ZNF627: variants seen among roughly 807,000 people sequenced by gnomAD.
ZNF627 encodes zinc finger protein 627.
In ZNF627, 12 loss-of-function variants were observed where a neutral mutation model predicts 10.6. The observed-to-expected ratio is 1.13, with a 90% CI of 0.73 to 1.84. The LOEUF is 1.84. Among genes scored for constraint, ZNF627 ranks in the 40% most tolerant of loss-of-function variants. ZNF627 has a pLI of 0.00. For missense variants in ZNF627, 504 were observed against 568.4 expected, an observed-to-expected ratio of 0.89 and a Z score of 1.15; for synonymous variants, 176 against 187.1, an observed-to-expected ratio of 0.94 and a Z score of 0.48.
rs556410068 is a variant in ZNF627, at chr19:11,599,638, G to A, written c.3+2008G>A. ...GACCTGACTTAGGCCGGGCGCGGTG[G>A]CTCACACCTGTAATCCCAGCACTTT... On this transcript the variant is annotated intron_variant, in intron 1 of 3. Transcript: ENST00000361113. 2.6e-5 allele frequency among the ~76,000 whole-genome samples: 4 copies of A among 152,276 alleles called. No homozygotes were observed. The East Asian group carries it at 5.8e-4, about 22-fold the overall frequency.
chr19:11,600,466 T>C (rs563676354), intron 1 of ZNF627, among the ~76,000 whole-genome samples: 1 of 152,168 alleles, frequency 6.6e-6, no homozygotes, highest in South Asian at 2.1e-4. Flanking sequence ...TTTTTTTCTT[T>C]CCCAAAGCAA....
intron 3 of ZNF627, among the ~76,000 whole-genome samples, chr19:11,616,375 GTTGTGACCTA>G (rs954081673): frequency 1.1e-4 from 17 of 152,170 alleles, no homozygotes; most frequent in African/African-American, 4.1e-4. Flanking sequence ...AATAGGTATG[GTTGTGACCTA>G]TTGCAGACCA....
At position 11,618,353 on chromosome 19, in the gene ZNF627, T is replaced by C. The variant is rs1258394396; in HGVS notation, c.*464T>C. On this transcript the variant is annotated 3_prime_UTR_variant, in exon 4 of 4. Transcript: ENST00000361113. ...TTGACTTTAATTTTCTCGGAGGTGA[T>C]AGGCTTCCACACAGGTCTCCAGAAG... 1 of 155,596 alleles carries C rather than the reference T, an allele frequency of 6.4e-6. No homozygotes were observed. The highest frequency in any genetic ancestry group is 1.9e-4 in the East Asian group (1 of 5,236). The allele number at this position is 155,596 out of a possible 1,614,324, so 9.6% of individuals were successfully genotyped here. A position where few individuals can be genotyped will look rare whatever the true frequency, so the allele number is the denominator to read the frequency against.
intron 1 of ZNF627, among the ~76,000 whole-genome samples, chr19:11,614,085 C>T (rs2145137921): frequency 6.6e-6 from 1 of 152,178 alleles, no homozygotes; most frequent in African/African-American, 2.4e-5. Flanking sequence ...CCGTGCCTGG[C>T]TAATTTTTGT....
At position 11,605,142 on chromosome 19, in the gene ZNF627, G is replaced by C. The variant is rs1177769270; in HGVS notation, c.3+7512G>C. Reference sequence around the variant, plus strand: ...TCTGTCACCCAGGCTGGAGTGCAGTGGTGCGATCATGGCTCACTGCAACCT... The same window carrying C: ...TCTGTCACCCAGGCTGGAGTGCAGTCGTGCGATCATGGCTCACTGCAACCT... On this transcript the variant is annotated intron_variant, in intron 1 of 3. Coordinates refer to ENST00000361113, the MANE Select transcript of ZNF627 (RefSeq NM_145295.4). Among the ~76,000 whole-genome samples, 12 of 142,422 alleles carry C rather than the reference G, an allele frequency of 8.4e-5. No homozygotes were observed. The Admixed American group carries it at 8.8e-4, about 10-fold the overall frequency. The allele number at this position is 142,422 out of a possible 152,430, so 93.4% of individuals were successfully genotyped here. A position where few individuals can be genotyped will look rare whatever the true frequency, so the allele number is the denominator to read the frequency against.
At position 11,597,566 on chromosome 19, in the gene ZNF627, C is replaced by T. The variant is rs1973509251; in HGVS notation, c.-62C>T. ...TGTCTCCGCCGCAGCCTCTGTCGCG[C>T]CGTGACCTGTACAGGTCGCGGGAGT... is the stretch of plus-strand genomic sequence containing the variant. On this transcript the variant is annotated 5_prime_UTR_variant, in exon 1 of 4. Transcript: ENST00000361113. The T allele has an allele frequency of 1.3e-5, 17 of 1,309,970 alleles. No homozygotes were observed. The highest frequency in any genetic ancestry group is 9.6e-5 in the Admixed American group (3 of 31,320). 81.1% of individuals were successfully genotyped at this position (1,309,970 alleles called of 1,614,324 possible).
At chr19:11,604,801 G>T (rs540422397) in intron 1 of ZNF627, among the ~76,000 whole-genome samples, 115 of 152,312 alleles carry the variant, frequency 7.6e-4, no homozygotes, top group African/African-American at 2.7e-3. Flanking sequence ...ATTGAATTCA[G>T]CCTTGAATGC....
In ZNF627 at chr19:11,616,162, C is replaced by T. The variant is rs145913555; in HGVS notation, c.192-533C>T. ...AAGCAATTCTCCTGCCTCAGCCTCC[C>T]GAGTAGCTGGGATTACACGCGTGCT... is the stretch of plus-strand genomic sequence containing the variant. On this transcript the variant is annotated intron_variant, in intron 3 of 3. Coordinates refer to ENST00000361113, the MANE Select transcript of ZNF627 (RefSeq NM_145295.4). Among the ~76,000 whole-genome samples the T allele has an allele frequency of 4.9e-3, 741 of 151,880 alleles. 3 individuals carry two copies. Among genetic ancestry groups the T allele is most frequent in the Middle Eastern group, 0.014 (4 of 294 alleles).
intron 1 of ZNF627, among the ~76,000 whole-genome samples, chr19:11,602,509 C>T (rs1463502273): frequency 2.6e-5 from 4 of 152,182 alleles, no homozygotes; most frequent in Non-Finnish European, 5.9e-5. Context: ...CTTCTGCCGC[C>T]ATTTTCCCTT....
chr19:11,609,909 C>T (rs1333621361), intron 1 of ZNF627, among the ~76,000 whole-genome samples: 1 of 152,162 alleles, frequency 6.6e-6, no homozygotes, highest in South Asian at 2.1e-4. Context: ...ATAGTTAAGG[C>T]GGTTGCTTAA....
At position 11,616,844 on chromosome 19, in the gene ZNF627, C is replaced by T; in HGVS notation, c.341C>T (p.Ser114Leu). 1 of 1,613,992 alleles carries T rather than the reference C, an allele frequency of 6.2e-7. No individual in the cohort carries two copies. Among genetic ancestry groups the T allele is most frequent in the Non-Finnish European group, 8.5e-7 (1 of 1,180,002 alleles). The change falls in exon 4 of 4, where the codon TCA (serine) becomes TTA (leucine). Residue 114 changes from serine to leucine, a missense_variant. Ser to Leu is a moderately radical substitution (Grantham distance 145). Coordinates refer to ENST00000361113, the MANE Select transcript of ZNF627 (RefSeq NM_145295.4). ...SVCGEVGMGP[S>L]SLNRHIRDHT... The stretch of plus-strand genomic sequence containing the variant: ...TGTGGAGAAGTTGGCATGGGTCCTT[C>T]ATCACTTAATAGGCACATCAGAGAT...
At position 11,617,986 on chromosome 19, in the gene ZNF627, C is replaced by T. The variant is rs1057373119; in HGVS notation, c.*97C>T. 4 of 1,087,286 alleles carry T rather than the reference C, an allele frequency of 3.7e-6. No homozygotes were observed. The highest frequency in any genetic ancestry group is 5.1e-6 in the Non-Finnish European group (4 of 778,020). The allele number at this position is 1,087,286 out of a possible 1,614,324, so 67.4% of individuals were successfully genotyped here. ...TCTTTCAACTACGTGAAAGGATTCA[C>T]AGTGGAGAAAGACCCTGTAAGATAA... is the stretch of plus-strand genomic sequence containing the variant. On this transcript the variant is annotated 3_prime_UTR_variant, in exon 4 of 4. Coordinates refer to ENST00000361113, the MANE Select transcript of ZNF627 (RefSeq NM_145295.4).
At chr19:11,608,310 C>A (rs969595834) in intron 1 of ZNF627, among the ~76,000 whole-genome samples, 2 of 152,130 alleles carry the variant, frequency 1.3e-5, no homozygotes, top group Non-Finnish European at 1.5e-5. Flanking sequence ...ACAGCCAAAC[C>A]GTATCAGGGT....
At chr19:11,600,666 A>C (rs899185929) in intron 1 of ZNF627, among the ~76,000 whole-genome samples, 3 of 152,156 alleles carry the variant, frequency 2.0e-5, no homozygotes, top group African/African-American at 4.8e-5. Context: ...TGAATTACAG[A>C]GATTCACCAA....
At chr19:11,616,064 G>C (rs1728551241) in intron 3 of ZNF627, among the ~76,000 whole-genome samples, 1 of 135,894 alleles carries the variant, frequency 7.4e-6, no homozygotes, top group Non-Finnish European at 1.6e-5. Flanking sequence ...TTGAGACAGA[G>C]TTTCGCTCTT....
In ZNF627 at chr19:11,617,222, T is replaced by C; in HGVS notation, c.719T>C (p.Ile240Thr). The C allele has an allele frequency of 6.2e-7, 1 of 1,612,060 alleles. No individual in the cohort carries two copies. The highest frequency in any genetic ancestry group is 8.5e-7 in the Non-Finnish European group (1 of 1,179,386). ...TTCAGTTGTTCCAGTTACATTAGAA[T>C]ACATGAAAGGACTCACACTGGAGAT... The part of the protein sequence containing the change: ...KAFSCSSYIR[I>T]HERTHTGDKP... The change falls in exon 4 of 4, where the codon ATA (isoleucine) becomes ACA (threonine). Residue 240 changes from isoleucine (I) to threonine (T), a missense_variant. By Grantham distance (89) the Ile-to-Thr change is moderately conservative. Transcript: ENST00000361113.
chr19:11,603,374 C>T (rs556061272), intron 1 of ZNF627, among the ~76,000 whole-genome samples: 22 of 149,686 alleles, frequency 1.5e-4, no homozygotes, highest in African/African-American at 2.5e-4. Flanking sequence ...CCTCTGCCTC[C>T]GGGCTCAAGT....
intron 1 of ZNF627, among the ~76,000 whole-genome samples, chr19:11,606,416 C>T (rs1973676094): frequency 6.6e-6 from 1 of 152,178 alleles, no homozygotes; most frequent in East Asian, 1.9e-4. Context: ...AAGAGGTGGG[C>T]TCCCTCAACC....
chr19:11,614,630 C>A lies in ZNF627; in HGVS notation c.107C>A (p.Thr36Asn), dbSNP rs1973834795. Reference sequence around the variant, plus strand: ...CTCTACAGGGATGTGATGCGGGAAACCTTCAGGAACCTGGCTTCTGTAGGT... The same window carrying A: ...CTCTACAGGGATGTGATGCGGGAAAACTTCAGGAACCTGGCTTCTGTAGGT... ...KNLYRDVMRE[T>N]FRNLASVGKQ... The change falls in exon 2 of 4, where the codon ACC becomes AAC. Residue 36 changes from threonine (T) to asparagine (N), a missense_variant. By Grantham distance (65) the Thr-to-Asn change is moderately conservative. Transcript: ENST00000361113. The A allele has an allele frequency of 6.2e-7, 1 of 1,613,732 alleles. No individual in the cohort carries two copies. The highest frequency in any genetic ancestry group is 8.5e-7 in the Non-Finnish European group (1 of 1,179,982).
Sources: allele counts gnomAD v4.1 joint callset (sites outside exome capture counted in the v4.1 genomes callset), GRCh38; gene constraint gnomAD v4.1.1; transcripts MANE v1.5; gene names NCBI Gene and HGNC (gene_info 2026-07-23, HGNC 2026-07-21).